The following ADGRD1 variants were observed in gnomAD, a reference collection of about 807,000 sequenced individuals.
The protein encoded by ADGRD1 is G-protein coupled receptor 133.
In ADGRD1, 77 loss-of-function variants were observed where a neutral mutation model predicts 113.4. The observed-to-expected ratio is 0.68, with a 90% confidence interval of 0.57 to 0.82. The LOEUF (loss-of-function observed/expected upper bound fraction) is 0.82, where lower values mean the gene tolerates loss of function less well. Among genes scored for constraint, ADGRD1 ranks in the 40% least tolerant of loss-of-function variants. ADGRD1 has a pLI of 0.00. For synonymous variants in ADGRD1, 474 were observed against 475.0 expected (o/e 1.00, Z 0.03); for missense variants, 1,036 against 1,139.1 (o/e 0.91, Z 1.30).
At chr12:131,127,245 ATAAAG>A (rs763839324) in intron 20 of ADGRD1, among the ~76,000 whole-genome samples, 11 of 152,388 alleles carry the variant, frequency 7.2e-5, no homozygotes, top group Admixed American at 2.0e-4. Flanking sequence ...AGCGGTCAAG[ATAAAG>A]TAAAGGACTT....
intron 13 of ADGRD1, among the ~76,000 whole-genome samples, chr12:131,043,096 C>G (rs77692371): frequency 0.023 from 3,481 of 152,314 alleles, 140 homozygotes; most frequent in African/African-American, 0.079. Context: ...AGTACATCAA[C>G]CCAAAGCTGA....
At chr12:131,106,007 G>A in intron 17 of ADGRD1, 142 bp downstream of exon 17, 1 of 661,158 alleles carries the variant, frequency 1.5e-6, no homozygotes. Flanking sequence ...TTTTCTCGGG[G>A]GAAGCAGAGA....
intron 20 of ADGRD1, 146 bp from the exon 21 acceptor site, chr12:131,131,579 G>A (rs1198001894): frequency 1.6e-6 from 1 of 616,992 alleles, no homozygotes; most frequent in Admixed American, 3.1e-5. Flanking sequence ...GGAACAGGGT[G>A]AGATTTGTCC....
At chr12:131,082,581 G>GC (rs1355637015) in intron 14 of ADGRD1, among the ~76,000 whole-genome samples, 10 of 151,454 alleles carry the variant, frequency 6.6e-5, no homozygotes, top group African/African-American at 1.9e-4. Flanking sequence ...TAATGTTCAG[G>GC]CCCCCCCCTC....
chr12:131,034,129 G>A (rs1881118455), intron 13 of ADGRD1, among the ~76,000 whole-genome samples: 4 of 152,110 alleles, frequency 2.6e-5, no homozygotes, highest in African/African-American at 4.8e-5. Context: ...CCCTGTGCTC[G>A]AACCCTCTCG....
chr12:130,973,754 T>C (rs1416425940), intron 4 of ADGRD1, among the ~76,000 whole-genome samples: 1 of 152,116 alleles, frequency 6.6e-6, no homozygotes, highest in Non-Finnish European at 1.5e-5. Context: ...AAGCAGAACT[T>C]TTAAGATACT....
rs944833103 is a variant in ADGRD1 at position 131,138,200 on chromosome 12, T to C, written c.2500T>C (p.Ser834Pro). Residue 834 changes from serine (S) to proline (P), a missense_variant, in exon 24 of 25, where the codon TCC (serine) becomes CCC (proline). Physicochemically the swap from Ser to Pro is moderately conservative, Grantham distance 74. Transcript: ENST00000261654. Reference protein sequence around the residue: ...WSLTSSSARTSNAKPFHSDLM... With the variant: ...WSLTSSSARTPNAKPFHSDLM... ...GCTCACGAGCAGCTCTGCCCGCACC[T>C]CCAACGCGAAGCCCTTCCACTCGGA... 6 of 1,613,430 alleles carry C rather than the reference T, an allele frequency of 3.7e-6. No homozygotes were observed. Among genetic ancestry groups the C allele is most frequent in the African/African-American group, 1.3e-5 (1 of 74,886 alleles).
At chr12:131,063,760 A>T (rs1884516634) in intron 13 of ADGRD1, among the ~76,000 whole-genome samples, 1 of 152,194 alleles carries the variant, frequency 6.6e-6, no homozygotes, top group Non-Finnish European at 1.5e-5. Flanking sequence ...AAATTGTTTT[A>T]GCTTTTCTAG....
intron 15 of ADGRD1, among the ~76,000 whole-genome samples, chr12:131,093,747 G>C (rs913170638): frequency 3.9e-5 from 6 of 152,204 alleles, no homozygotes; most frequent in African/African-American, 1.4e-4. Context: ...TGCAGCTGGG[G>C]TTAGTAGTGG....
At chr12:131,101,737 G>A (rs4759543) in intron 15 of ADGRD1, among the ~76,000 whole-genome samples, 39,546 of 152,012 alleles carry the variant, frequency 0.26, 5,941 homozygotes, top group South Asian at 0.44. Context: ...CTGGACGTTC[G>A]TTTCCAAGAA....
chr12:131,004,040 TGAGGC>T, intron 10 of ADGRD1, 141 bp from the exon 11 acceptor site: 1 of 548,582 alleles, frequency 1.8e-6, no homozygotes, highest in Non-Finnish European at 3.2e-6. Context: ...TTTTTTTTTT[TGAGGC>T]CATGCTTTCT....
intron 20 of ADGRD1, among the ~76,000 whole-genome samples, chr12:131,129,193 G>GA: frequency 9.6e-6 from 1 of 104,190 alleles, no homozygotes; most frequent in Admixed American, 8.9e-5. Flanking sequence ...CCTGCTGTCT[G>GA]GTGTGAGTGA....
chr12:131,080,890 G>T (rs1294849883), intron 14 of ADGRD1, among the ~76,000 whole-genome samples: 1 of 152,208 alleles, frequency 6.6e-6, no homozygotes, highest in East Asian at 1.9e-4. Context: ...AAAGTGCTGG[G>T]ATTACAGGCG....
At position 130,971,690 on chromosome 12, in the gene ADGRD1, T is replaced by C; in HGVS notation, c.310+110T>C. ...CCTGAGGTTCTCATCAATTGCAGAATGCGTGAGAATGTCAACGATGGATCG... is the reference window on the plus strand; with the variant it reads ...CCTGAGGTTCTCATCAATTGCAGAACGCGTGAGAATGTCAACGATGGATCG... On this transcript the variant is annotated intron_variant, in intron 4 of 24. Coordinates refer to ENST00000261654, the MANE Select transcript of ADGRD1 (RefSeq NM_198827.5). The surrounding 1 kb of genome is among the most constrained non-coding windows in gnomAD (Gnocchi z 4.2). 4 of 1,221,254 alleles carry C rather than the reference T, an allele frequency of 3.3e-6. No homozygotes were observed. Among genetic ancestry groups the C allele is most frequent in the Non-Finnish European group, 3.4e-6 (3 of 880,354 alleles). 75.7% of individuals were successfully genotyped at this position (1,221,254 alleles called of 1,614,324 possible). A position where few individuals can be genotyped will look rare whatever the true frequency, so the allele number is the denominator to read the frequency against.
chr12:131,111,619 T>C (rs560419061), intron 18 of ADGRD1, among the ~76,000 whole-genome samples: 2 of 152,294 alleles, frequency 1.3e-5, no homozygotes, highest in East Asian at 3.9e-4. Context: ...TCATTGTTTT[T>C]TTTTTCTTTG....
At chr12:130,994,446 A>G (rs1593315556) in intron 8 of ADGRD1, among the ~76,000 whole-genome samples, 1 of 151,896 alleles carries the variant, frequency 6.6e-6, no homozygotes, top group Admixed American at 6.6e-5. Flanking sequence ...TGGCACTGGC[A>G]CCCTCCCCTC....
At chr12:131,100,683 T>G (rs1593214912) in intron 15 of ADGRD1, among the ~76,000 whole-genome samples, 2 of 152,080 alleles carry the variant, frequency 1.3e-5, no homozygotes, top group African/African-American at 4.8e-5. Context: ...TGGGTAGGTG[T>G]GGGTCTGGGG....
chr12:130,970,137 A>G (rs188867264), intron 3 of ADGRD1: 81 of 152,354 alleles, frequency 5.3e-4, no homozygotes, highest in African/African-American at 1.9e-3. Flanking sequence ...TAACCTCCAG[A>G]GCCTACATGG....
At chr12:130,999,777 A>G (rs1876107264) in intron 8 of ADGRD1, among the ~76,000 whole-genome samples, 1 of 152,188 alleles carries the variant, frequency 6.6e-6, no homozygotes. Context: ...AATGTGGGCT[A>G]AGGGGTGTCC....
Sources: allele counts gnomAD v4.1 joint callset (sites outside exome capture counted in the v4.1 genomes callset), GRCh38; gene constraint gnomAD v4.1.1; non-coding constraint Gnocchi (gnomAD v3.1); transcripts MANE v1.5; gene names NCBI Gene and HGNC (gene_info 2026-07-23, HGNC 2026-07-21).